CAMK2D: variants seen among roughly 807,000 people sequenced by gnomAD.
CAMK2D encodes calcium/calmodulin dependent protein kinase II delta.
Under a neutral mutation model 84.0 loss-of-function variants are expected in CAMK2D, and 37 were observed. The observed-to-expected ratio is 0.44, with a 90% confidence interval of 0.34 to 0.58. The LOEUF is 0.58. Ranked by LOEUF, CAMK2D falls within the 20% of genes least tolerant of loss-of-function variation. The pLI, the probability that CAMK2D is intolerant of heterozygous loss-of-function variation, is 0.02. For synonymous variants in CAMK2D, 202 were observed against 212.5 expected, an observed-to-expected ratio of 0.95 and a Z score of 0.43; for missense variants, 448 against 652.5, an observed-to-expected ratio of 0.69 and a Z score of 3.41.
intron 4 of CAMK2D, among the ~76,000 whole-genome samples, chr4:113,579,418 G>A (rs1011740197): frequency 6.6e-6 from 1 of 152,162 alleles, no homozygotes; most frequent in Non-Finnish European, 1.5e-5. Flanking sequence ...TGCTGTAGAT[G>A]GGGCATAGTG....
At chr4:113,538,524 T>C (rs1053987549) in intron 6 of CAMK2D, among the ~76,000 whole-genome samples, 1 of 152,072 alleles carries the variant, frequency 6.6e-6, no homozygotes, top group Non-Finnish European at 1.5e-5. Context: ...CTGAAAAAAG[T>C]TGGGAAACAA....
chr4:113,608,467 A>C (rs2154266182), intron 4 of CAMK2D, among the ~76,000 whole-genome samples: 1 of 152,284 alleles, frequency 6.6e-6, no homozygotes, highest in Admixed American at 6.5e-5. Context: ...TGCAATGAAC[A>C]TCTTTCAGCA....
In CAMK2D at chr4:113,490,115, T is replaced by G. The variant is rs868208575; in HGVS notation, c.1135+10348A>C. ...GTTGCCTGTTCACTCTGATGGTAGT[T>G]TCTTTTGCTGTGCAGAAGCTCTTTA... On this transcript the variant is annotated intron_variant, in intron 16 of 20. Transcript: ENST00000511664. 3.3e-3 allele frequency among the ~76,000 whole-genome samples: 493 copies of G among 149,094 alleles called. 3 individuals are homozygous for G. The highest frequency in any genetic ancestry group is 0.011 in the African/African-American group (453 of 40,582).
Position 113,667,543 on chromosome 4 carries a change from G to C in CAMK2D, c.161-5771C>G, listed in dbSNP as rs140588533. Among the ~76,000 whole-genome samples the C allele has an allele frequency of 5.9e-5, 9 of 152,264 alleles. No homozygotes were observed. The East Asian group carries it at 1.7e-3, about 29-fold the overall frequency. On this transcript the variant is annotated intron_variant, in intron 2 of 20. Coordinates refer to ENST00000511664, the MANE Select transcript of CAMK2D (RefSeq NM_001321571.2). ...CAGTGAATGCATTTTTCTTGTTAGA[G>C]AAATTATGTCTCACTGAATGAGGCA...
At chr4:113,566,346 G>C (rs1337574626) in intron 4 of CAMK2D, among the ~76,000 whole-genome samples, 1 of 152,152 alleles carries the variant, frequency 6.6e-6, no homozygotes, top group East Asian at 1.9e-4. Context: ...TGAAACATAA[G>C]TTTTCTCCTC....
chr4:113,472,588 C>T (rs13113625), intron 16 of CAMK2D, among the ~76,000 whole-genome samples: 86,437 of 152,012 alleles, frequency 0.57, 24,773 homozygotes, highest in East Asian at 0.66. Flanking sequence ...TTAATCAGTT[C>T]ATTGAAGTGA....
intron 2 of CAMK2D, among the ~76,000 whole-genome samples, chr4:113,663,363 A>C (rs1323503667): frequency 3.3e-5 from 5 of 152,022 alleles, no homozygotes; most frequent in Non-Finnish European, 2.9e-5. Flanking sequence ...AGGCGGGTGG[A>C]TTGCTTGAGG....
chr4:113,740,625 T>C (rs1285106515), intron 2 of CAMK2D, among the ~76,000 whole-genome samples: 2 of 152,088 alleles, frequency 1.3e-5, no homozygotes, highest in Non-Finnish European at 2.9e-5. Flanking sequence ...GTGCCACCAT[T>C]AGATAGTTGG....
chr4:113,679,393 A>G, intron 2 of CAMK2D: 1 of 879,040 alleles, frequency 1.1e-6, no homozygotes, highest in Non-Finnish European at 1.4e-6. Flanking sequence ...GTTGTTTTTT[A>G]AATACTTGCC....
At chr4:113,562,631 T>A (rs2098703521) in intron 4 of CAMK2D, among the ~76,000 whole-genome samples, 1 of 152,202 alleles carries the variant, frequency 6.6e-6, no homozygotes, top group African/African-American at 2.4e-5. Context: ...CCTACAAAGA[T>A]CTATACAGCC....
At chr4:113,739,835 G>C (rs893592959) in intron 2 of CAMK2D, among the ~76,000 whole-genome samples, 7 of 151,856 alleles carry the variant, frequency 4.6e-5, no homozygotes, top group African/African-American at 1.7e-4. Context: ...ACATGTTCAA[G>C]TTTGTTACAA....
chr4:113,455,608 T>C (rs1479487823), intron 20 of CAMK2D, 118 bp downstream of exon 20: 11 of 558,660 alleles, frequency 2.0e-5, no homozygotes, highest in Non-Finnish European at 3.2e-5. Flanking sequence ...TCAAAGACCT[T>C]GTGCGTTTTT....
At chr4:113,610,459 A>C (rs571907981) in intron 3 of CAMK2D, among the ~76,000 whole-genome samples, 45 of 152,278 alleles carry the variant, frequency 3.0e-4, no homozygotes, top group South Asian at 1.0e-3. Context: ...ACACAAACTA[A>C]AATTATTTAT....
intron 16 of CAMK2D, among the ~76,000 whole-genome samples, chr4:113,469,060 A>C (rs971185321): frequency 1.3e-5 from 2 of 152,210 alleles, no homozygotes; most frequent in African/African-American, 4.8e-5. Flanking sequence ...TGCACAAAGA[A>C]TTGGGAACAT....
chr4:113,483,916 AG>A lies in CAMK2D; in HGVS notation c.1135+16546del, dbSNP rs1170318777. Among the ~76,000 whole-genome samples the A allele has an allele frequency of 2.0e-5, 3 of 152,152 alleles. No homozygotes were observed. In the South Asian group the frequency reaches 6.2e-4, roughly 32 times the overall value. On this transcript the variant is annotated intron_variant, in intron 16 of 20. Coordinates refer to ENST00000511664, the MANE Select transcript of CAMK2D (RefSeq NM_001321571.2). ...TAAATGAAAAAGGGGTGCATCTATG[AG>A]AATGTCTGTTTCCATATAAGCAATA... is the stretch of plus-strand genomic sequence containing the variant.
intron 2 of CAMK2D, among the ~76,000 whole-genome samples, chr4:113,710,683 T>C (rs939624640): frequency 6.6e-6 from 1 of 152,188 alleles, no homozygotes; most frequent in Non-Finnish European, 1.5e-5. Flanking sequence ...TTTCTATTGA[T>C]ATATTGCTGC....
chr4:113,743,730 C>T (rs932053481), intron 2 of CAMK2D, among the ~76,000 whole-genome samples: 5 of 152,144 alleles, frequency 3.3e-5, no homozygotes, highest in African/African-American at 1.2e-4. Context: ...CTTCCTTAGT[C>T]TTTTTCCTCT....
At chr4:113,622,104 G>T (rs1420361287) in intron 3 of CAMK2D, among the ~76,000 whole-genome samples, 1 of 151,866 alleles carries the variant, frequency 6.6e-6, no homozygotes, top group Non-Finnish European at 1.5e-5. Flanking sequence ...CAAATTTCCT[G>T]GTAAACAACC....
intron 4 of CAMK2D, among the ~76,000 whole-genome samples, chr4:113,569,038 T>A (rs1165032154): frequency 6.6e-6 from 1 of 152,000 alleles, no homozygotes; most frequent in African/African-American, 2.4e-5. Context: ...ATTCTATAGG[T>A]TATCTTTTCA....
Sources: gnomAD v4.1 joint callset for allele counts (sites outside exome capture counted in the v4.1 genomes callset) on GRCh38, gnomAD v4.1.1 for gene constraint, MANE v1.5 for transcripts, NCBI Gene and HGNC (gene_info 2026-07-23, HGNC 2026-07-21) for gene names.